The following SSBP3 variants were observed in gnomAD, a reference collection of about 807,000 sequenced individuals.
SSBP3 encodes single stranded DNA binding protein 3.
SSBP3 carries 5 observed loss-of-function variants against 69.6 expected under a neutral mutation model. The ratio of observed to expected loss-of-function variants is 0.07; its 90% CI spans 0.04 to 0.15. SSBP3 has a LOEUF of 0.15. Ranked by LOEUF, SSBP3 falls within the 10% of genes least tolerant of loss-of-function variation. The pLI is 1.00. For missense variants in SSBP3, 312 were observed against 534.0 expected, an observed-to-expected ratio of 0.58 and a Z score of 4.10; for synonymous variants, 196 against 193.4, an observed-to-expected ratio of 1.01 and a Z score of -0.11.
Position 54,342,355 on chromosome 1 carries a change from G to T in SSBP3, c.276+59506C>A, listed in dbSNP as rs151139334. ...AGGTTAATGCATTTTTAAAAAGAAA[G>T]CCCTGAATGTGTGGCCCTCCCTCCC... On this transcript the variant is annotated intron_variant, in intron 4 of 17. Transcript: ENST00000610401. 3.8e-3 allele frequency among the ~76,000 whole-genome samples: 583 copies of T among 152,340 alleles called. 7 individuals carry two copies. The highest frequency in any genetic ancestry group is 0.013 in the African/African-American group (541 of 41,584).
rs560108748 is a variant in SSBP3, at chr1:54,261,990, T to C, written c.367-3841A>G. ...CCTCTCCAAGACCACAGAAAACTAG[T>C]TGGCATCTGAACCACATCTCCTAAC... On this transcript the variant is annotated intron_variant, in intron 5 of 17. Transcript: ENST00000610401. Among the ~76,000 whole-genome samples the C allele has an allele frequency of 3.9e-5, 6 of 152,290 alleles. No individual in the cohort carries two copies. The South Asian group carries it at 1.0e-3, about 26-fold the overall frequency.
intron 5 of SSBP3, among the ~76,000 whole-genome samples, chr1:54,272,847 C>T (rs1372786158): frequency 6.6e-6 from 1 of 152,264 alleles, no homozygotes; most frequent in Admixed American, 6.5e-5. Context: ...TACTGACACC[C>T]ATCCTTCCAG....
At chr1:54,278,415 T>C (rs1645330297) in intron 5 of SSBP3, among the ~76,000 whole-genome samples, 1 of 151,974 alleles carries the variant, frequency 6.6e-6, no homozygotes, top group African/African-American at 2.4e-5. Context: ...AGACATCTCA[T>C]GCCACGGGAC....
At chr1:54,318,021 G>A (rs187086400) in intron 4 of SSBP3, among the ~76,000 whole-genome samples, 42 of 152,280 alleles carry the variant, frequency 2.8e-4, no homozygotes, top group Admixed American at 3.3e-4. Context: ...ACCTGCTTTG[G>A]CCTCCCAAAT....
chr1:54,244,175 T>C (rs1236402903), intron 9 of SSBP3, among the ~76,000 whole-genome samples: 2 of 148,786 alleles, frequency 1.3e-5, no homozygotes, highest in African/African-American at 4.9e-5. Flanking sequence ...ATGATCTCGG[T>C]TCACTGCAAC....
intron 4 of SSBP3, among the ~76,000 whole-genome samples, chr1:54,389,087 T>A (rs1405870019): frequency 6.6e-6 from 1 of 152,218 alleles, no homozygotes; most frequent in Non-Finnish European, 1.5e-5. Context: ...AAATTTCCAA[T>A]GTTTTTCTGT....
intron 7 of SSBP3, among the ~76,000 whole-genome samples, chr1:54,253,086 G>A (rs1644858141): frequency 6.6e-6 from 1 of 152,096 alleles, no homozygotes; most frequent in African/African-American, 2.4e-5. Flanking sequence ...GAACAGGGGA[G>A]CGGGTATGTG....
rs1315300313 is a variant in SSBP3 at position 54,401,953 on chromosome 1, G to A, written c.192-8C>T. ...TAAAGGTCCCAAAATACACTGCGAGGAGGAAAATAAAATAAGGTCAGGTTA... is the reference window on the plus strand; with the variant it reads ...TAAAGGTCCCAAAATACACTGCGAGAAGGAAAATAAAATAAGGTCAGGTTA... On this transcript the variant is annotated splice_region_variant and splice_polypyrimidine_tract_variant and intron_variant, in intron 3 of 17. Coordinates refer to ENST00000610401, the Ensembl canonical transcript of SSBP3. 3.1e-6 allele frequency: 5 copies of A among 1,612,188 alleles called. No homozygotes were observed. The highest frequency in any genetic ancestry group is 2.7e-5 in the African/African-American group (2 of 74,886).
chr1:54,242,155 G>C lies in SSBP3; in HGVS notation c.765+9C>G, dbSNP rs545180173. The C allele has an allele frequency of 1.9e-6, 3 of 1,612,890 alleles. No homozygotes were observed. The East Asian group carries it at 6.7e-5, about 36-fold the overall frequency. ...GACAAACACCACCCCACCCGACCCA[G>C]GTACTCACTGAGTTAGCACTGTTAG... On this transcript the variant is annotated intron_variant, in intron 11 of 17. Coordinates refer to ENST00000610401, the Ensembl canonical transcript of SSBP3.
chr1:54,232,988 C>T (rs1485888743), intron 14 of SSBP3, among the ~76,000 whole-genome samples: 1 of 152,160 alleles, frequency 6.6e-6, no homozygotes, highest in Non-Finnish European at 1.5e-5. Context: ...ATTGCAGCCT[C>T]TGCCCGGCCG....
chr1:54,232,290 G>C (rs1393629369), intron 14 of SSBP3, among the ~76,000 whole-genome samples: 1 of 152,106 alleles, frequency 6.6e-6, no homozygotes, highest in African/African-American at 2.4e-5. Flanking sequence ...AATTTGATAG[G>C]CTATATTACA....
intron 4 of SSBP3, among the ~76,000 whole-genome samples, chr1:54,349,588 T>C (rs1269260400): frequency 6.6e-6 from 1 of 152,168 alleles, no homozygotes; most frequent in Non-Finnish European, 1.5e-5. Flanking sequence ...GGCTTCAGCC[T>C]TGAAAAGGCA....
At chr1:54,325,045 T>C (rs148699673) in intron 4 of SSBP3, among the ~76,000 whole-genome samples, 33 of 152,284 alleles carry the variant, frequency 2.2e-4, no homozygotes, top group African/African-American at 7.0e-4. Flanking sequence ...GCTTTCTGCT[T>C]TGGCGGGAGA....
chr1:54,402,065 T>C, intron 3 of SSBP3, 120 bp from the exon 4 acceptor site: 2 of 766,676 alleles, frequency 2.6e-6, no homozygotes, highest in South Asian at 4.1e-5. Context: ...TCCCACCTTA[T>C]CAGCTCTCAT....
At position 54,258,029 on chromosome 1, in the gene SSBP3, C is replaced by G; in HGVS notation, c.447+40G>C. ...TGCGGGCTCTCTGCTTCCTCCGCGC[C>G]CCGCGTCCCCGGCGGGCGGGAGCGC... On this transcript the variant is annotated intron_variant, in intron 6 of 17. Transcript: ENST00000610401. The surrounding 1 kb of genome is among the most constrained non-coding windows in gnomAD (Gnocchi z 4.5). 6.4e-7 allele frequency: 1 copy of G among 1,551,464 alleles called. No individual in the cohort carries two copies. The highest frequency in any genetic ancestry group is 8.7e-7 in the Non-Finnish European group (1 of 1,146,188).
chr1:54,381,032 G>A (rs12409839), intron 4 of SSBP3, among the ~76,000 whole-genome samples: 17,209 of 151,882 alleles, frequency 0.11, 1,136 homozygotes, highest in East Asian at 0.28. Flanking sequence ...GGCTGAAGCA[G>A]GAGGAGTTTG....
At chr1:54,240,079 TGTGTGTGTGCGCGCGC>T in intron 13 of SSBP3, among the ~76,000 whole-genome samples, 1 of 32,772 alleles carries the variant, frequency 3.1e-5, no homozygotes, top group Middle Eastern at 0.013. Flanking sequence ...TGTGTGTGTG[TGTGTGTGTGCGCGCGC>T]GCGCGTGTGC....
rs79893731 is a variant in SSBP3, at chr1:54,376,582, C to G, written c.276+25279G>C. Among the ~76,000 whole-genome samples the G allele has an allele frequency of 5.8e-3, 888 of 152,296 alleles. 5 individuals carry two copies. Among genetic ancestry groups the G allele is most frequent in the Non-Finnish European group, 9.3e-3 (630 of 68,032 alleles). On this transcript the variant is annotated intron_variant, in intron 4 of 17. Transcript: ENST00000610401. ...TATGGTCAGCCTGGACTCCTTCAAA[C>G]CACACAGATTAAAATCTCAGCCAGG...
chr1:54,296,384 G>C (rs971092010), intron 4 of SSBP3, among the ~76,000 whole-genome samples: 1 of 152,198 alleles, frequency 6.6e-6, no homozygotes, highest in Non-Finnish European at 1.5e-5. Context: ...CTGGCCTAAG[G>C]CAGTCTGTTT....
Sources: gnomAD v4.1 joint callset for allele counts (sites outside exome capture counted in the v4.1 genomes callset) on GRCh38, gnomAD v4.1.1 for gene constraint, Gnocchi (gnomAD v3.1) non-coding constraint, MANE v1.5 for transcripts, NCBI Gene and HGNC (gene_info 2026-07-23, HGNC 2026-07-21) for gene names.